Variants in DCTN1 observed in about 807,000 individuals in gnomAD.
The protein encoded by DCTN1 is dynactin subunit 1.
In DCTN1, 61 loss-of-function variants were observed where a neutral mutation model predicts 161.2. That is an observed-to-expected ratio of 0.38 (90% CI 0.31 to 0.47). DCTN1 has a LOEUF of 0.47. Ranked by LOEUF, DCTN1 falls within the 20% of genes least tolerant of loss-of-function variation. The probability of loss-of-function intolerance (pLI) is 0.99; values close to 1 mark genes in which losing one functional copy is unlikely to be tolerated. For missense variants in DCTN1, 1,404 were observed against 1,623.7 expected (o/e 0.86, Z 2.33); for synonymous variants, 653 against 632.4 (o/e 1.03, Z -0.49).
chr2:74,367,547 C>A (rs1674514616), intron 18 of DCTN1, 127 bp from the exon 19 acceptor site: 2 of 1,470,910 alleles, frequency 1.4e-6, no homozygotes, highest in African/African-American at 2.8e-5. Flanking sequence ...AGCCCTCAAG[C>A]AGCTGCATCA....
intron 4 of DCTN1, 128 bp downstream of exon 4, chr2:74,377,304 G>A: frequency 1.2e-6 from 1 of 815,420 alleles, no homozygotes; most frequent in Non-Finnish European, 2.2e-6. Context: ...TCCTTCTTAG[G>A]GAAGTTGGAG....
rs942819291 is a variant in DCTN1 at position 74,362,000 on chromosome 2, C to A, written c.3699+52G>T. ...CCTCCAATTCTGGAGGAGAGGGGGG[C>A]CCGCCTGAGCTCTCCACACTGTCCC... On this transcript the variant is annotated intron_variant, in intron 31 of 31. Coordinates refer to ENST00000628224, the MANE Select transcript of DCTN1 (RefSeq NM_004082.5). The A allele has an allele frequency of 5.1e-6, 8 of 1,577,424 alleles. No individual in the cohort carries two copies. In the East Asian group the frequency reaches 1.6e-4, roughly 31 times the overall value.
chr2:74,363,488 A>C lies in DCTN1; in HGVS notation c.3212-61T>G, dbSNP rs761695955. 15 of 1,604,310 alleles carry C rather than the reference A, an allele frequency of 9.3e-6. 1 individual carries two copies. In the South Asian group the frequency reaches 1.7e-4, roughly 18 times the overall value. On this transcript the variant is annotated intron_variant, in intron 27 of 31. Transcript: ENST00000628224. ...TGGAAAGGGTTGAAAATTGGGCTCC[A>C]TTCCTACTCTTCCCCTTTCCTCATC...
chr2:74,383,081 C>CA (rs1184829255), upstream of DCTN1, among the ~76,000 whole-genome samples: 2,424 of 99,198 alleles, frequency 0.024, 66 homozygotes, highest in African/African-American at 0.079. Flanking sequence ...GACTCCGTCT[C>CA]AAAAAAAAAA....
chr2:74,371,158 C>T lies in DCTN1; in HGVS notation c.664G>A (p.Ala222Thr). 2 of 1,613,858 alleles carry T rather than the reference C, an allele frequency of 1.2e-6. No homozygotes were observed. Among genetic ancestry groups the T allele is most frequent in the East Asian group, 2.2e-5 (1 of 44,880 alleles). ...SPSKEEEGLR[A>T]QVRDLEEKLE... ...TTCTCCTCCAGGTCCCGCACCTGAGCCCTTAGTCCCTCCTCCTCCTGCAAA... is the reference window on the plus strand; with the variant it reads ...TTCTCCTCCAGGTCCCGCACCTGAGTCCTTAGTCCCTCCTCCTCCTGCAAA... The change falls in exon 9 of 32, where the codon GCT (alanine) becomes ACT (threonine). Residue 222 changes from alanine (A) to threonine (T), a missense_variant. Transcript: ENST00000628224.
rs748525514 is a variant in DCTN1 at position 74,370,255 on chromosome 2, C to T, written c.1218G>A (p.Arg406=). The T allele has an allele frequency of 1.9e-6, 3 of 1,614,098 alleles. No homozygotes were observed. Among genetic ancestry groups the T allele is most frequent in the South Asian group, 2.2e-5 (2 of 91,090 alleles). The change falls in exon 12 of 32, where the codon AGG becomes AGA. Residue 406 remains arginine (R), a synonymous_variant. Coordinates refer to ENST00000628224, the MANE Select transcript of DCTN1 (RefSeq NM_004082.5). The surrounding 1 kb of genome is among the most constrained non-coding windows in gnomAD (Gnocchi z 4.4). ...CCTCCTGCAGACGCTCCCGCTGTTGCCTCACAACTTCCAGCTCTTGGTTCT... is the reference window on the plus strand; with the variant it reads ...CCTCCTGCAGACGCTCCCGCTGTTGTCTCACAACTTCCAGCTCTTGGTTCT... The part of the protein sequence containing the change: ...EKKNQELEVV[R]QQRERLQEEL...
rs561553248 is a variant in DCTN1, at chr2:74,365,266, G to T, written c.3030-25C>A. The T allele has an allele frequency of 1.3e-4, 212 of 1,613,764 alleles. 6 individuals are homozygous for T. In the South Asian group the frequency reaches 2.3e-3, roughly 17 times the overall value. On this transcript the variant is annotated intron_variant, in intron 25 of 31. Transcript: ENST00000628224. The stretch of plus-strand genomic sequence containing the variant: ...TCTGTGAAAGAGAATCTGGGCTTTG[G>T]CAGTGTCCCTTCTCTAAAGCACTCC...
chr2:74,368,598 G>T, intron 16 of DCTN1, 130 bp downstream of exon 16: 2 of 1,230,310 alleles, frequency 1.6e-6, no homozygotes, highest in Non-Finnish European at 2.3e-6. Flanking sequence ...CGGTGACTTT[G>T]CTGTGTTCCT....
At chr2:74,361,951 T>G (rs1198066935) in intron 31 of DCTN1, 101 bp downstream of exon 31, 1 of 1,292,044 alleles carries the variant, frequency 7.7e-7, no homozygotes, top group East Asian at 2.3e-5. Flanking sequence ...TATGCAGTTG[T>G]TAGACCTGAG....
rs960860261 is a variant in DCTN1, at chr2:74,366,185, G to A, written c.2760+59C>T. ...CCCCGTCCTCCCACAACTAGCAGTAGCTCTGCAAGTCTTACTCCTACAGGC... is the reference window on the plus strand; with the variant it reads ...CCCCGTCCTCCCACAACTAGCAGTAACTCTGCAAGTCTTACTCCTACAGGC... On this transcript the variant is annotated intron_variant, in intron 23 of 31. Coordinates refer to ENST00000628224, the MANE Select transcript of DCTN1 (RefSeq NM_004082.5). 1.6e-5 allele frequency: 25 copies of A among 1,612,400 alleles called. No individual in the cohort carries two copies. In the African/African-American group the frequency reaches 3.3e-4, roughly 22 times the overall value.
Position 74,366,273 on chromosome 2 carries a change from C to G in DCTN1, c.2731G>C (p.Glu911Gln). The change falls in exon 23 of 32, where the codon GAG (glutamate) becomes CAG (glutamine). Residue 911 changes from glutamate (E) to glutamine (Q), a missense_variant. Transcript: ENST00000628224. ...NKLATAMQEG[E>Q]YDAERPPSKP... ...CTGGGGGGCCGCTCTGCATCATACT[C>G]CCCCTCCTGCATGGCTGTGGCCAGC... 1.2e-6 allele frequency: 2 copies of G among 1,614,218 alleles called. No homozygotes were observed. The highest frequency in any genetic ancestry group is 1.7e-6 in the Non-Finnish European group (2 of 1,180,034).
chr2:74,374,398 G>C, intron 5 of DCTN1, 58 bp from the exon 6 acceptor site: 1 of 1,611,228 alleles, frequency 6.2e-7, no homozygotes, highest in Non-Finnish European at 8.5e-7. Context: ...GAGGGACAGA[G>C]GAGGATAGAC....
chr2:74,384,256 C>A (rs923583931), upstream of DCTN1, among the ~76,000 whole-genome samples: 9 of 152,214 alleles, frequency 5.9e-5, no homozygotes, highest in African/African-American at 1.2e-4. Flanking sequence ...CTCCATTCCA[C>A]AGATGACAGA....
intron 25 of DCTN1, 34 bp from the exon 26 acceptor site, chr2:74,365,275 C>T: frequency 2.5e-6 from 4 of 1,613,072 alleles, no homozygotes; most frequent in Non-Finnish European, 3.4e-6. Context: ...GGCAGTGTCC[C>T]TTCTCTAAAG....
At chr2:74,374,507 A>C in intron 5 of DCTN1, 167 bp from the exon 6 acceptor site, 23 of 1,452,860 alleles carry the variant, frequency 1.6e-5, no homozygotes, top group East Asian at 2.9e-5. Context: ...AATCCCAACA[A>C]TGCAGTCTCA....
intron 5 of DCTN1, among the ~76,000 whole-genome samples, chr2:74,376,375 C>G (rs1161908012): frequency 2.0e-5 from 3 of 152,190 alleles, no homozygotes; most frequent in Admixed American, 6.5e-5. Flanking sequence ...GCCCCATTCC[C>G]CCAGTCTATC....
At chr2:74,367,521 G>A in intron 18 of DCTN1, 101 bp from the exon 19 acceptor site, 1 of 1,494,406 alleles carries the variant, frequency 6.7e-7, no homozygotes. Context: ...GTCTCTGGAG[G>A]TACAAGAGAA....
At chr2:74,376,689 G>A in intron 5 of DCTN1, 53 bp downstream of exon 5, 2 of 1,551,232 alleles carry the variant, frequency 1.3e-6, no homozygotes, top group South Asian at 2.3e-5. Flanking sequence ...AGGACAGCTG[G>A]GGAAGGGGCT....
chr2:74,373,552 G>A (rs1452294879), intron 6 of DCTN1, among the ~76,000 whole-genome samples: 3 of 152,156 alleles, frequency 2.0e-5, no homozygotes, highest in African/African-American at 7.2e-5. Context: ...CTAGGGAAGA[G>A]GGCTCAGGTG....
Sources: allele counts gnomAD v4.1 joint callset (sites outside exome capture counted in the v4.1 genomes callset), GRCh38; gene constraint gnomAD v4.1.1; non-coding constraint Gnocchi (gnomAD v3.1); transcripts MANE v1.5; gene names NCBI Gene and HGNC (gene_info 2026-07-23, HGNC 2026-07-21).